The following ELMO1 variants were observed in gnomAD, a reference collection of about 807,000 sequenced individuals.
The protein encoded by ELMO1 is engulfment and cell motility protein 1.
ELMO1 carries 26 observed loss-of-function variants against 98.9 expected under a neutral mutation model. That is an observed-to-expected ratio of 0.26 (90% CI 0.19 to 0.36). ELMO1 has a LOEUF of 0.36. Among genes scored for constraint, ELMO1 ranks in the 10% least tolerant of loss-of-function variants. ELMO1 has a pLI of 1.00. For synonymous variants in ELMO1, 346 were observed against 346.0 expected, an observed-to-expected ratio of 1.00 and a Z score of 0.00; for missense variants, 627 against 935.2, an observed-to-expected ratio of 0.67 and a Z score of 4.30.
At chr7:37,050,629 C>T (rs1229763247) in intron 15 of ELMO1, among the ~76,000 whole-genome samples, 2 of 150,608 alleles carry the variant, frequency 1.3e-5, no homozygotes, top group African/African-American at 4.9e-5. Flanking sequence ...CACACACACA[C>T]ACACACACAC....
chr7:36,958,833 T>C (rs1788689405), intron 16 of ELMO1, among the ~76,000 whole-genome samples: 1 of 151,938 alleles, frequency 6.6e-6, no homozygotes, highest in African/African-American at 2.4e-5. Flanking sequence ...CTTCCCTGTC[T>C]CCACTCACTC....
intron 15 of ELMO1, among the ~76,000 whole-genome samples, chr7:37,019,685 A>G (rs1420612154): frequency 6.6e-6 from 1 of 152,256 alleles, no homozygotes; most frequent in Non-Finnish European, 1.5e-5. Flanking sequence ...ACAATATTTT[A>G]TAAATGAAAT....
intron 15 of ELMO1, among the ~76,000 whole-genome samples, chr7:37,057,413 C>T (rs115164484): frequency 0.01 from 1,597 of 152,292 alleles, 26 homozygotes; most frequent in African/African-American, 0.036. Context: ...ATGTGTCCTA[C>T]CACCTCTCAC....
At position 37,237,456 on chromosome 7, in the gene ELMO1, A is replaced by C. The variant is rs180767314; in HGVS notation, c.450-4262T>G. ...AGGTGCACACCACCATGCCCAGCTA[A>C]TTTTTGTATTTTTAGTAGAGAAGGG... On this transcript the variant is annotated intron_variant, in intron 7 of 21. Coordinates refer to ENST00000310758, the MANE Select transcript of ELMO1 (RefSeq NM_014800.11). 1.2e-4 allele frequency among the ~76,000 whole-genome samples: 18 copies of C among 151,906 alleles called. No homozygotes were observed. In the East Asian group the frequency reaches 3.5e-3, roughly 29 times the overall value.
intron 15 of ELMO1, among the ~76,000 whole-genome samples, chr7:37,071,924 T>C (rs1797292590): frequency 6.6e-6 from 1 of 151,820 alleles, no homozygotes; most frequent in Admixed American, 6.6e-5. Context: ...GCACACAATA[T>C]ATATAATATT....
At chr7:37,252,711 A>C (rs1795420275) in intron 6 of ELMO1, among the ~76,000 whole-genome samples, 1 of 152,220 alleles carries the variant, frequency 6.6e-6, no homozygotes. Flanking sequence ...AACTGCAACA[A>C]AAGCCAAAAT....
chr7:36,895,737 C>T lies in ELMO1; in HGVS notation c.1438-720G>A, dbSNP rs1295190524. ...TCTATTAATGTGGGTTCATCTTCAT[C>T]AGGACGCATACAGCACGAAAAGACC... On this transcript the variant is annotated intron_variant, in intron 16 of 21. Coordinates refer to ENST00000310758, the MANE Select transcript of ELMO1 (RefSeq NM_014800.11). Among the ~76,000 whole-genome samples the T allele has an allele frequency of 2.0e-5, 3 of 152,204 alleles. No homozygotes were observed. The East Asian group carries it at 5.8e-4, about 29-fold the overall frequency.
chr7:36,899,684 C>CTTTTTTTTTTTTTTTTTTTTTT lies in ELMO1; in HGVS notation c.1438-4668_1438-4667insAAAAAAAAAAAAAAAAAAAAAA, dbSNP rs10522661. On this transcript the variant is annotated intron_variant, in intron 16 of 21. Transcript: ENST00000310758. ...ACTCATTTTTACTATCTTTACTCAT[C>CTTTTTTTTTTTTTTTTTTTTTT]TTTTTTTTTTTTTTTTACCACTCCT... Among the ~76,000 whole-genome samples the CTTTTTTTTTTTTTTTTTTTTTT allele has an allele frequency of 8.7e-3, 553 of 63,654 alleles. 192 individuals are homozygous for CTTTTTTTTTTTTTTTTTTTTTT. Among genetic ancestry groups the CTTTTTTTTTTTTTTTTTTTTTT allele is most frequent in the Non-Finnish European group, 0.012 (401 of 32,638 alleles). 41.8% of individuals were successfully genotyped at this position (63,654 alleles called of 152,430 possible). A position where few individuals can be genotyped will look rare whatever the true frequency, so the allele number is the denominator to read the frequency against.
intron 16 of ELMO1, among the ~76,000 whole-genome samples, chr7:36,991,451 T>C (rs1177766610): frequency 2.0e-5 from 3 of 152,248 alleles, no homozygotes; most frequent in Admixed American, 1.3e-4. Context: ...CAAGAGACTT[T>C]GGAGAGATAT....
intron 13 of ELMO1, among the ~76,000 whole-genome samples, chr7:37,144,796 G>A (rs577649823): frequency 8.5e-5 from 13 of 152,248 alleles, no homozygotes; most frequent in African/African-American, 2.6e-4. Flanking sequence ...CACCCAAGGC[G>A]CTGTTTGGGT....
chr7:36,858,301 C>T (rs557661062), intron 21 of ELMO1, among the ~76,000 whole-genome samples: 2 of 152,242 alleles, frequency 1.3e-5, no homozygotes, highest in South Asian at 2.1e-4. Flanking sequence ...ATCCAGACAA[C>T]GATCATTGTT....
At chr7:37,402,987 C>T (rs1356333673) in intron 1 of ELMO1, among the ~76,000 whole-genome samples, 2 of 152,162 alleles carry the variant, frequency 1.3e-5, no homozygotes, top group African/African-American at 4.8e-5. Context: ...CATACAAAAA[C>T]CTGCACTCAA....
chr7:37,154,002 G>T (rs577551928), intron 13 of ELMO1, among the ~76,000 whole-genome samples: 17 of 152,024 alleles, frequency 1.1e-4, no homozygotes, highest in Non-Finnish European at 2.1e-4. Flanking sequence ...GCCTCCAGGG[G>T]TGTTACCCAG....
Position 36,864,029 on chromosome 7 carries a change from G to A in ELMO1, c.1906-2293C>T, listed in dbSNP as rs149381408. Among the ~76,000 whole-genome samples the A allele has an allele frequency of 1.7e-3, 252 of 152,348 alleles. 2 individuals are homozygous for A. Among genetic ancestry groups the A allele is most frequent in the Middle Eastern group, 6.8e-3 (2 of 294 alleles). On this transcript the variant is annotated intron_variant, in intron 20 of 21. Coordinates refer to ENST00000310758, the MANE Select transcript of ELMO1 (RefSeq NM_014800.11). ...CAACCAGTCAGGATATTACAGTGGC[G>A]TGAGGGGGCCCTTGGAGGTAAACAG...
chr7:37,323,869 C>A (rs1799649601), intron 2 of ELMO1, among the ~76,000 whole-genome samples: 1 of 152,136 alleles, frequency 6.6e-6, no homozygotes, highest in South Asian at 2.1e-4. Context: ...CACAAGGATG[C>A]CCTGCCACCC....
At chr7:36,953,900 A>C (rs1156531815) in intron 16 of ELMO1, among the ~76,000 whole-genome samples, 1 of 137,876 alleles carries the variant, frequency 7.3e-6, no homozygotes, top group East Asian at 2.1e-4. Context: ...TGTGTGTATT[A>C]GTCATTTCAG....
chr7:37,291,950 CCACGGTCT>C (rs1797709510), intron 4 of ELMO1, among the ~76,000 whole-genome samples: 2 of 108,242 alleles, frequency 1.8e-5, no homozygotes, highest in Non-Finnish European at 3.9e-5. Flanking sequence ...CTCCCTCTGC[CCACGGTCT>C]CCCTCTCCCT....
chr7:37,236,256 G>A (rs1382556876), intron 7 of ELMO1, among the ~76,000 whole-genome samples: 3 of 152,194 alleles, frequency 2.0e-5, no homozygotes, highest in African/African-American at 7.2e-5. Flanking sequence ...TGGAGAGAAG[G>A]AGAAAAAGTA....
chr7:37,229,125 A>AAGCC (rs1280388619), intron 8 of ELMO1, among the ~76,000 whole-genome samples: 32 of 152,278 alleles, frequency 2.1e-4, no homozygotes, highest in Admixed American at 1.2e-3. Context: ...CTAAAGCAAA[A>AAGCC]TGGTGGGATG....
Sources: gnomAD v4.1 joint callset for allele counts (sites outside exome capture counted in the v4.1 genomes callset) on GRCh38, gnomAD v4.1.1 for gene constraint, MANE v1.5 for transcripts, NCBI Gene and HGNC (gene_info 2026-07-23, HGNC 2026-07-21) for gene names.